Variants in PCDHGB3 observed in about 807,000 individuals in gnomAD.
The protein encoded by PCDHGB3 is protocadherin gamma subfamily B, 3.
In PCDHGB3, 40 loss-of-function variants were observed where a neutral mutation model predicts 59.2. That is an observed-to-expected ratio of 0.68 (90% CI 0.52 to 0.88). The LOEUF is 0.88. Ranked by LOEUF, PCDHGB3 falls within the 40% of genes least tolerant of loss-of-function variation. The probability of loss-of-function intolerance (pLI) is 0.00; values close to 1 mark genes in which losing one functional copy is unlikely to be tolerated. For synonymous variants in PCDHGB3, 581 were observed against 503.6 expected, an observed-to-expected ratio of 1.15 and a Z score of -2.06; for missense variants, 1,309 against 1,187.9, an observed-to-expected ratio of 1.10 and a Z score of -1.50.
At chr5:141,507,106 A>T (rs1205648425) in intron 3 of PCDHGB3, 1 of 152,118 alleles carries the variant, frequency 6.6e-6, no homozygotes, top group African/African-American at 2.4e-5. Context: ...TACTATAGGG[A>T]CCATGGCTGC....
At chr5:141,398,414 G>C (rs373274513) in intron 1 of PCDHGB3, 1 of 1,487,954 alleles carries the variant, frequency 6.7e-7, no homozygotes, top group Non-Finnish European at 9.3e-7. Flanking sequence ...GAGGAGATAT[G>C]CGGGAAGAAG....
At position 141,476,851 on chromosome 5, in the gene PCDHGB3, C is replaced by T; in HGVS notation, c.2416-17956C>T. ...CGAATGACAATGCGCCTGTCTTCAA[C>T]CAGTCCTTGTACCGGGCGCGCGTCC... On this transcript the variant is annotated intron_variant, in intron 1 of 3. Transcript: ENST00000576222. This position sits in a 1 kb window ranked among gnomAD's most constrained non-coding sequence, Gnocchi z 7.6. The T allele has an allele frequency of 6.2e-7, 1 of 1,613,836 alleles. No individual in the cohort carries two copies. Among genetic ancestry groups the T allele is most frequent in the Non-Finnish European group, 8.5e-7 (1 of 1,180,046 alleles).
intron 1 of PCDHGB3, chr5:141,394,620 T>A: frequency 6.2e-7 from 1 of 1,613,124 alleles, no homozygotes; most frequent in Non-Finnish European, 8.5e-7. Context: ...CCAGAACGCC[T>A]GGCTGTCCTA....
intron 1 of PCDHGB3, chr5:141,422,492 C>A (rs747903569): frequency 2.5e-6 from 4 of 1,613,816 alleles, no homozygotes; most frequent in African/African-American, 2.7e-5. Flanking sequence ...TACAATATAA[C>A]GTTGACAGCC....
chr5:141,431,068 A>G lies in PCDHGB3; in HGVS notation c.2415+58259A>G. 2 of 1,614,218 alleles carry G rather than the reference A, an allele frequency of 1.2e-6. No individual in the cohort carries two copies. Among genetic ancestry groups the G allele is most frequent in the South Asian group, 1.1e-5 (1 of 91,088 alleles). On this transcript the variant is annotated intron_variant, in intron 1 of 3. Coordinates refer to ENST00000576222, the MANE Select transcript of PCDHGB3 (RefSeq NM_018924.5). The surrounding 1 kb of genome is among the most constrained non-coding windows in gnomAD (Gnocchi z 4.8). ...TCTGTATGGGGGCCATCAAGTGTCA[A>G]TTAAATCTAGACATTCTGATGGAGG...
At chr5:141,428,290 C>A in intron 1 of PCDHGB3, 1 of 726,802 alleles carries the variant, frequency 1.4e-6, no homozygotes, top group Non-Finnish European at 2.4e-6. Context: ...CCAAGCAAAG[C>A]TGCAGATTTA....
chr5:141,413,197 T>C (rs1429088178), intron 1 of PCDHGB3: 1 of 1,611,552 alleles, frequency 6.2e-7, no homozygotes, highest in Non-Finnish European at 8.5e-7. Flanking sequence ...AAGGAATCGC[T>C]CAAAGGAATC....
intron 1 of PCDHGB3, chr5:141,422,401 C>G: frequency 6.3e-7 from 1 of 1,598,896 alleles, no homozygotes; most frequent in Non-Finnish European, 8.5e-7. Context: ...TAACCACCTG[C>G]CTTTTAAATT....
chr5:141,449,854 T>C (rs769118919), intron 1 of PCDHGB3, among the ~76,000 whole-genome samples: 7 of 151,974 alleles, frequency 4.6e-5, no homozygotes, highest in South Asian at 4.1e-4. Context: ...ATTTTAATAA[T>C]AAAAATCAGA....
chr5:141,430,509 G>T, intron 1 of PCDHGB3: 1 of 328,564 alleles, frequency 3.0e-6, no homozygotes. Flanking sequence ...GGGAGTTCAA[G>T]ATTGTGCAGT....
rs762574320 is a variant in PCDHGB3, at chr5:141,485,926, G to T, written c.2416-8881G>T. 2.5e-6 allele frequency: 4 copies of T among 1,614,090 alleles called. No individual in the cohort carries two copies. The highest frequency in any genetic ancestry group is 3.4e-6 in the Non-Finnish European group (4 of 1,180,052). On this transcript the variant is annotated intron_variant, in intron 1 of 3. Transcript: ENST00000576222. This position sits in a 1 kb window ranked among gnomAD's most constrained non-coding sequence, Gnocchi z 5.7. Reference sequence around the variant, plus strand: ...AGCAATCCAGCTACAGGATTAGTGTGTTGGAGAGCGCACCAGCGGGCATGG... The same window carrying T: ...AGCAATCCAGCTACAGGATTAGTGTTTTGGAGAGCGCACCAGCGGGCATGG...
In PCDHGB3 at chr5:141,372,352, C is replaced by T. The variant is rs1300220406; in HGVS notation, c.1958C>T (p.Pro653Leu). 6.2e-7 allele frequency: 1 copy of T among 1,613,912 alleles called. No homozygotes were observed. Among genetic ancestry groups the T allele is most frequent in the South Asian group, 1.1e-5 (1 of 91,092 alleles). ...ACTGTGCGTGATGGAGGACAGCAGCCTCTTTCAGCCACCGTCATGCTGCAC... is the reference window on the plus strand; with the variant it reads ...ACTGTGCGTGATGGAGGACAGCAGCTTCTTTCAGCCACCGTCATGCTGCAC... ...LVTVRDGGQQ[P>L]LSATVMLHLI... is the part of the protein sequence containing the mutation. The change falls in exon 1 of 4, where the codon CCT (proline) becomes CTT (leucine). Residue 653 changes from proline (P) to leucine (L), a missense_variant. Pro to Leu is a moderately conservative substitution (Grantham distance 98, BLOSUM62 -3). Transcript: ENST00000576222.
At chr5:141,383,963 C>G (rs967868907) in intron 1 of PCDHGB3, 1 of 1,613,480 alleles carries the variant, frequency 6.2e-7, no homozygotes, top group South Asian at 1.1e-5. Flanking sequence ...TTAAGTAGCT[C>G]AATCCCTGAA....
intron 1 of PCDHGB3, among the ~76,000 whole-genome samples, chr5:141,466,724 A>G (rs2099128017): frequency 6.6e-6 from 1 of 152,148 alleles, no homozygotes. Flanking sequence ...TTTCCATTTT[A>G]GCAGAATTCA....
At chr5:141,414,020 C>A in intron 1 of PCDHGB3, 1 of 1,612,618 alleles carries the variant, frequency 6.2e-7, no homozygotes. Flanking sequence ...GGAGAAGTGA[C>A]ATATTCATTC....
intron 1 of PCDHGB3, among the ~76,000 whole-genome samples, chr5:141,454,420 T>C (rs889393211): frequency 6.6e-6 from 1 of 152,218 alleles, no homozygotes; most frequent in African/African-American, 2.4e-5. Context: ...TATTTATTTA[T>C]TTAGAGACAG....
At chr5:141,409,786 C>A in intron 1 of PCDHGB3, 11 of 1,612,124 alleles carry the variant, frequency 6.8e-6, no homozygotes, top group Non-Finnish European at 9.3e-6. Flanking sequence ...TGCGCGCCTT[C>A]GCGCTCACGC....
chr5:141,504,949 G>A (rs1234166109), intron 2 of PCDHGB3, among the ~76,000 whole-genome samples: 5 of 152,098 alleles, frequency 3.3e-5, no homozygotes, highest in Non-Finnish European at 1.5e-5. Context: ...AATGCACTAT[G>A]TTCAATGCAT....
At chr5:141,421,483 A>C in intron 1 of PCDHGB3, 4 of 1,614,128 alleles carry the variant, frequency 2.5e-6, no homozygotes, top group Non-Finnish European at 3.4e-6. Context: ...CGGCAGCTTG[A>C]TCACGGCAGG....
Sources: gnomAD v4.1 joint callset for allele counts (sites outside exome capture counted in the v4.1 genomes callset) on GRCh38, gnomAD v4.1.1 for gene constraint, Gnocchi (gnomAD v3.1) non-coding constraint, MANE v1.5 for transcripts, NCBI Gene and HGNC (gene_info 2026-07-23, HGNC 2026-07-21) for gene names.